COL8A1: variants seen among roughly 807,000 people sequenced by gnomAD.
COL8A1 encodes collagen type VIII alpha 1 chain, also known as collagen alpha-1(VIII) chain.
In COL8A1, 21 loss-of-function variants were observed where a neutral mutation model predicts 42.7. The observed-to-expected ratio is 0.49, with a 90% CI of 0.35 to 0.71. COL8A1 has a LOEUF of 0.71. COL8A1 is among the 30% of genes least tolerant of loss of function. COL8A1 has a pLI of 0.01. For synonymous variants in COL8A1, 367 were observed against 369.1 expected, an observed-to-expected ratio of 0.99 and a Z score of 0.06; for missense variants, 788 against 962.4, an observed-to-expected ratio of 0.82 and a Z score of 2.40.
intron 1 of COL8A1, among the ~76,000 whole-genome samples, chr3:99,684,048 T>C (rs1009595442): frequency 2.0e-5 from 3 of 152,192 alleles, no homozygotes; most frequent in Non-Finnish European, 4.4e-5. Context: ...GTCCAGGTTC[T>C]GATTCTTGGA....
chr3:99,705,428 C>A (rs1298941550), intron 1 of COL8A1, among the ~76,000 whole-genome samples: 1 of 152,180 alleles, frequency 6.6e-6, no homozygotes, highest in African/African-American at 2.4e-5. Context: ...TATTCTTTCT[C>A]TATTAGAATT....
At chr3:99,691,057 T>G (rs759063669) in intron 1 of COL8A1, among the ~76,000 whole-genome samples, 1 of 152,200 alleles carries the variant, frequency 6.6e-6, no homozygotes, top group Non-Finnish European at 1.5e-5. Flanking sequence ...GGCTGACTTT[T>G]CCTGTATGCA....
intron 2 of COL8A1, among the ~76,000 whole-genome samples, chr3:99,763,879 C>T (rs926092511): frequency 2.0e-5 from 3 of 152,058 alleles, no homozygotes; most frequent in Non-Finnish European, 2.9e-5. Context: ...TTTGGCTGAC[C>T]TGAGATTTCT....
At chr3:99,791,080 G>A in intron 3 of COL8A1, 70 bp downstream of exon 3, 1 of 1,370,104 alleles carries the variant, frequency 7.3e-7, no homozygotes, top group Non-Finnish European at 9.9e-7. Flanking sequence ...GATCAGAGGG[G>A]GAAGATAAAT....
At chr3:99,741,931 A>G (rs1348239370) in intron 1 of COL8A1, among the ~76,000 whole-genome samples, 1 of 152,186 alleles carries the variant, frequency 6.6e-6, no homozygotes, top group Non-Finnish European at 1.5e-5. Flanking sequence ...AACATTTTTT[A>G]AGGAATAAAG....
rs555324895 is a variant in COL8A1 at position 99,760,462 on chromosome 3, C to G, written c.-4+15441C>G. On this transcript the variant is annotated intron_variant, in intron 2 of 3. Coordinates refer to ENST00000652472, the MANE Select transcript of COL8A1 (RefSeq NM_020351.4). The stretch of plus-strand genomic sequence containing the variant: ...TCAGCTAGAAAGAATTTTGCTGCCC[C>G]CTCTCCCATAGAGAAATATTAAATA... Among the ~76,000 whole-genome samples, 42 of 152,204 alleles carry G rather than the reference C, an allele frequency of 2.8e-4. 1 individual carries two copies. The South Asian group carries it at 7.5e-3, about 27-fold the overall frequency.
intron 1 of COL8A1, among the ~76,000 whole-genome samples, chr3:99,651,024 C>T (rs1250977562): frequency 6.6e-6 from 1 of 152,168 alleles, no homozygotes; most frequent in Admixed American, 6.5e-5. Context: ...TTAAAGAAGT[C>T]TTCTTCCCTA....
Position 99,794,916 on chromosome 3 carries a change from C to G in COL8A1, c.1015C>G (p.Pro339Ala). 1.3e-6 allele frequency: 2 copies of G among 1,595,930 alleles called. No individual in the cohort carries two copies. Among genetic ancestry groups the G allele is most frequent in the South Asian group, 2.3e-5 (2 of 88,642 alleles). The change falls in exon 4 of 4, where the codon CCA becomes GCA. Residue 339 changes from proline (P) to alanine (A), a missense_variant. Around this residue, in one of 4 missense-constraint regions of COL8A1, gnomAD observed 421 missense variants for 553.1 expected, o/e 0.76. Transcript: ENST00000652472. This position sits in a 1 kb window ranked among gnomAD's most constrained non-coding sequence, Gnocchi z 4.3. Reference sequence around the variant, plus strand: ...AGGTGGCAAAGGGGAGCAAGGACTGCCAGGGCTACCAGGACCCCCAGGCCT... The same window carrying G: ...AGGTGGCAAAGGGGAGCAAGGACTGGCAGGGCTACCAGGACCCCCAGGCCT... ...FPGGKGEQGL[P>A]GLPGPPGLPG...
chr3:99,661,791 A>G (rs1160135282), intron 1 of COL8A1, among the ~76,000 whole-genome samples: 1 of 152,220 alleles, frequency 6.6e-6, no homozygotes, highest in African/African-American at 2.4e-5. Context: ...ATTCAACCGA[A>G]GAAAGGAAGA....
intron 1 of COL8A1, among the ~76,000 whole-genome samples, chr3:99,681,779 T>G (rs1248611197): frequency 6.6e-6 from 1 of 152,352 alleles, no homozygotes; most frequent in East Asian, 1.9e-4. Flanking sequence ...CTCATGTGTA[T>G]GAAGGGCTTC....
At chr3:99,695,033 A>T (rs1361457270) in intron 1 of COL8A1, among the ~76,000 whole-genome samples, 2 of 152,164 alleles carry the variant, frequency 1.3e-5, no homozygotes, top group Non-Finnish European at 2.9e-5. Flanking sequence ...ACCACAATCC[A>T]ACCAAATAAT....
chr3:99,719,184 C>G (rs1940082630), intron 1 of COL8A1, among the ~76,000 whole-genome samples: 1 of 151,986 alleles, frequency 6.6e-6, no homozygotes, highest in African/African-American at 2.4e-5. Context: ...AGTAGACATT[C>G]AGTAATATTA....
intron 1 of COL8A1, among the ~76,000 whole-genome samples, chr3:99,716,981 C>A (rs1175212772): frequency 6.6e-6 from 1 of 151,962 alleles, no homozygotes; most frequent in Non-Finnish European, 1.5e-5. Context: ...CATATGGAAT[C>A]AAGGCCTGTG....
intron 2 of COL8A1, among the ~76,000 whole-genome samples, chr3:99,786,781 A>G (rs1191658867): frequency 6.6e-6 from 1 of 151,602 alleles, no homozygotes; most frequent in Non-Finnish European, 1.5e-5. Flanking sequence ...TAGGTGTTCA[A>G]TAGGTATATC....
intron 2 of COL8A1, among the ~76,000 whole-genome samples, chr3:99,771,617 T>C (rs542418311): frequency 1.3e-5 from 2 of 152,346 alleles, no homozygotes; most frequent in South Asian, 2.1e-4. Context: ...AGCGGGAGCC[T>C]TTCTAGCTCA....
chr3:99,692,138 C>A (rs1333347137), intron 1 of COL8A1, among the ~76,000 whole-genome samples: 2 of 152,110 alleles, frequency 1.3e-5, no homozygotes, highest in Non-Finnish European at 2.9e-5. Context: ...CCCCTACTCA[C>A]ACACACCAAC....
At chr3:99,688,421 C>T (rs959047806) in intron 1 of COL8A1, among the ~76,000 whole-genome samples, 3 of 152,128 alleles carry the variant, frequency 2.0e-5, no homozygotes, top group Non-Finnish European at 4.4e-5. Context: ...CAGAGCGCAT[C>T]GTTCCAACCT....
At chr3:99,757,179 A>T (rs1401478961) in intron 2 of COL8A1, among the ~76,000 whole-genome samples, 3 of 152,182 alleles carry the variant, frequency 2.0e-5, no homozygotes, top group African/African-American at 7.2e-5. Flanking sequence ...AAATTGCTGA[A>T]TTTAAAGGGG....
At position 99,795,705 on chromosome 3, in the gene COL8A1, G is replaced by A. The variant is rs181756171; in HGVS notation, c.1804G>A (p.Gly602Arg). ...IDGVKPPHAY[G>R]AKKGKNGGPA... is the part of the protein sequence containing the mutation. ...TGGCGTGAAACCCCCCCATGCCTAC[G>A]GGGCTAAGAAAGGCAAGAATGGAGG... is the stretch of plus-strand genomic sequence containing the variant. Residue 602 changes from glycine (G) to arginine (R), a missense_variant, in exon 4 of 4, where the codon GGG becomes AGG. Gly to Arg is a moderately radical substitution (Grantham distance 125, BLOSUM62 -2). This residue lies in a region of COL8A1 where 212 missense variants were observed against 210.9 expected (regional missense o/e 1.00). Transcript: ENST00000652472. The A allele has an allele frequency of 1.4e-5, 22 of 1,614,070 alleles. No homozygotes were observed. Among genetic ancestry groups the A allele is most frequent in the South Asian group, 3.3e-5 (3 of 91,070 alleles).
Sources: gnomAD v4.1 joint callset for allele counts (sites outside exome capture counted in the v4.1 genomes callset) on GRCh38, gnomAD v4.1.1 for gene constraint, gnomAD v4.1.1 regional missense constraint, Gnocchi (gnomAD v3.1) non-coding constraint, MANE v1.5 for transcripts, NCBI Gene and HGNC (gene_info 2026-07-23, HGNC 2026-07-21) for gene names.